The following RNF180 variants were observed in gnomAD, a reference collection of about 807,000 sequenced individuals.
RNF180 encodes the protein E3 ubiquitin-protein ligase RNF180.
In RNF180, 38 loss-of-function variants were observed where a neutral mutation model predicts 59.2. The ratio of observed to expected loss-of-function variants is 0.64; its 90% CI spans 0.50 to 0.84. The LOEUF is 0.84. Ranked by LOEUF, RNF180 falls within the 40% of genes least tolerant of loss-of-function variation. The pLI is 0.00. For missense variants in RNF180, 705 were observed against 700.9 expected (o/e 1.01, Z -0.07); for synonymous variants, 262 against 240.3 (o/e 1.09, Z -0.84).
At chr5:64,226,267 G>A (rs535969069) in intron 5 of RNF180, among the ~76,000 whole-genome samples, 7 of 152,262 alleles carry the variant, frequency 4.6e-5, no homozygotes, top group Non-Finnish European at 1.0e-4. Context: ...TTGTTACTGT[G>A]TCTGTGTAGA....
At chr5:64,184,332 G>T (rs139608245) in intron 1 of RNF180, among the ~76,000 whole-genome samples, 9 of 152,150 alleles carry the variant, frequency 5.9e-5, no homozygotes, top group Non-Finnish European at 1.3e-4. Flanking sequence ...TTGAGTGTTA[G>T]TGGGAACAGC....
intron 5 of RNF180, among the ~76,000 whole-genome samples, chr5:64,320,899 G>A (rs1458987405): frequency 6.6e-6 from 1 of 152,038 alleles, no homozygotes; most frequent in African/African-American, 2.4e-5. Context: ...TTAGCCGGGC[G>A]AGGTGGCGGG....
In RNF180 at chr5:64,214,312, T is replaced by C; in HGVS notation, c.986T>C (p.Leu329Pro). ...VYSDHTNTNNLTFLMDLPSAG... is the reference protein window; with the variant it reads ...VYSDHTNTNNPTFLMDLPSAG... ...TCTGACCATACTAATACTAACAATC[T>C]GACTTTCCTGATGGACCTGCCCTCA... Residue 329 changes from leucine (L) to proline (P), a missense_variant, in exon 4 of 8, where the codon CTG (leucine) becomes CCG (proline). Physicochemically the swap from Leu to Pro is moderately conservative, Grantham distance 98. Transcript: ENST00000389100. 6.2e-7 allele frequency: 1 copy of C among 1,614,100 alleles called. No individual in the cohort carries two copies.
chr5:64,175,154 A>G (rs997839192), intron 1 of RNF180, among the ~76,000 whole-genome samples: 2 of 151,658 alleles, frequency 1.3e-5, no homozygotes, highest in African/African-American at 4.8e-5. Context: ...TTTAGTAAAG[A>G]TGGGGTTTCT....
chr5:64,335,325 GTTC>G (rs1289215163), intron 7 of RNF180, among the ~76,000 whole-genome samples: 1 of 151,888 alleles, frequency 6.6e-6, no homozygotes, highest in Non-Finnish European at 1.5e-5. Context: ...ATGAATTGTA[GTTC>G]TTCAATTTCT....
chr5:64,302,417 T>G (rs1743206227), intron 5 of RNF180, among the ~76,000 whole-genome samples: 2 of 151,626 alleles, frequency 1.3e-5, no homozygotes, highest in East Asian at 3.9e-4. Context: ...GAATTTTATG[T>G]GGCTCATTCT....
chr5:64,330,461 C>T (rs1744852448), intron 7 of RNF180, 55 bp downstream of exon 7: 1 of 1,461,168 alleles, frequency 6.8e-7, no homozygotes, highest in Admixed American at 2.7e-5. Context: ...AAGGTCTGTT[C>T]TTAAAAGTAA....
intron 5 of RNF180, among the ~76,000 whole-genome samples, chr5:64,230,320 A>G (rs1247273720): frequency 2.0e-5 from 3 of 152,240 alleles, no homozygotes; most frequent in African/African-American, 7.2e-5. Flanking sequence ...AAGAAGTTGG[A>G]AATGGTTGTC....
At chr5:64,339,670 C>T (rs1330855749) in intron 7 of RNF180, among the ~76,000 whole-genome samples, 1 of 150,842 alleles carries the variant, frequency 6.6e-6, no homozygotes, top group African/African-American at 2.4e-5. Context: ...CCATATACGC[C>T]TTTGGCTTCA....
At chr5:64,246,427 A>T (rs923983619) in intron 5 of RNF180, among the ~76,000 whole-genome samples, 6 of 152,212 alleles carry the variant, frequency 3.9e-5, no homozygotes, top group Non-Finnish European at 5.9e-5. Flanking sequence ...GATAAAGGGG[A>T]TATCACTAGT....
At chr5:64,251,386 C>T (rs62372500) in intron 5 of RNF180, among the ~76,000 whole-genome samples, 2,258 of 152,222 alleles carry the variant, frequency 0.015, 31 homozygotes, top group Middle Eastern at 0.037. Context: ...TTCAAATTGT[C>T]CCTGTTTGCA....
Position 64,213,878 on chromosome 5 carries a change from G to A in RNF180, c.552G>A (p.Leu184=), listed in dbSNP as rs1752457716. 1.9e-6 allele frequency: 3 copies of A among 1,614,106 alleles called. No individual in the cohort carries two copies. Among genetic ancestry groups the A allele is most frequent in the Admixed American group, 1.7e-5 (1 of 59,958 alleles). The change falls in exon 4 of 8, where the codon CTG becomes CTA. Residue 184 remains leucine, a synonymous_variant. Transcript: ENST00000389100. ...GAAGATTAACAGAAGCACTCTGCCT[G>A]GAGGTGCGACCAACATATTTTGAGA... The part of the protein sequence containing the change: ...DPGRLTEALC[L]EVRPTYFEMK...
At chr5:64,335,500 AG>A (rs1208347907) in intron 7 of RNF180, among the ~76,000 whole-genome samples, 4 of 149,386 alleles carry the variant, frequency 2.7e-5, no homozygotes, top group African/African-American at 4.9e-5. Flanking sequence ...GTAGAGACCC[AG>A]TTTCTTTGGA....
At position 64,320,419 on chromosome 5, in the gene RNF180, A is replaced by G. The variant is rs148752575; in HGVS notation, c.1228-4767A>G. Among the ~76,000 whole-genome samples the G allele has an allele frequency of 3.5e-3, 539 of 152,284 alleles. 7 individuals are homozygous for G. The highest frequency in any genetic ancestry group is 0.012 in the African/African-American group (490 of 41,560). On this transcript the variant is annotated intron_variant, in intron 5 of 7. Coordinates refer to ENST00000389100, the MANE Select transcript of RNF180 (RefSeq NM_001113561.2). ...GAAGTAAGTCCTTCACTCCCTAGGA[A>G]AACATTCTATATTTTAGCAATTGTG...
At chr5:64,367,004 C>T (rs1746479223) in intron 7 of RNF180, among the ~76,000 whole-genome samples, 1 of 151,302 alleles carries the variant, frequency 6.6e-6, no homozygotes, top group African/African-American at 2.4e-5. Flanking sequence ...CAAGGGAACC[C>T]CAATCAGAAA....
chr5:64,349,240 A>G (rs1415776550), intron 7 of RNF180, among the ~76,000 whole-genome samples: 1 of 152,136 alleles, frequency 6.6e-6, no homozygotes, highest in Non-Finnish European at 1.5e-5. Flanking sequence ...TGAGGTTACA[A>G]ATAGACATAA....
chr5:64,169,749 G>C (rs942288419), intron 1 of RNF180, among the ~76,000 whole-genome samples: 1 of 152,234 alleles, frequency 6.6e-6, no homozygotes, highest in Non-Finnish European at 1.5e-5. Context: ...TTGACCAGTA[G>C]AAATCTAGAG....
At position 64,340,614 on chromosome 5, in the gene RNF180, G is replaced by A. The variant is rs566995698; in HGVS notation, c.1579+10208G>A. Among the ~76,000 whole-genome samples, 3 of 152,298 alleles carry A rather than the reference G, an allele frequency of 2.0e-5. No individual in the cohort carries two copies. In the South Asian group the frequency reaches 6.2e-4, roughly 32 times the overall value. On this transcript the variant is annotated intron_variant, in intron 7 of 7. Coordinates refer to ENST00000389100, the MANE Select transcript of RNF180 (RefSeq NM_001113561.2). Reference sequence around the variant, plus strand: ...AAAATTTAAAATATGCTGTAGACATGGGACTGCCTTGGAGCTGAAAGGTAC... The same window carrying A: ...AAAATTTAAAATATGCTGTAGACATAGGACTGCCTTGGAGCTGAAAGGTAC...
At chr5:64,347,295 AGTCT>A (rs1442515419) in intron 7 of RNF180, among the ~76,000 whole-genome samples, 2 of 152,180 alleles carry the variant, frequency 1.3e-5, no homozygotes, top group Non-Finnish European at 2.9e-5. Flanking sequence ...CCTTTTTTCC[AGTCT>A]ATAAAAAATT....
Sources: gnomAD v4.1 joint callset for allele counts (sites outside exome capture counted in the v4.1 genomes callset) on GRCh38, gnomAD v4.1.1 for gene constraint, MANE v1.5 for transcripts, NCBI Gene and HGNC (gene_info 2026-07-23, HGNC 2026-07-21) for gene names.